Variants in RAB7A observed in about 807,000 individuals in gnomAD.
RAB7A encodes the protein ras-related protein Rab-7a.
RAB7A carries 2 observed loss-of-function variants against 24.5 expected under a neutral mutation model. The ratio of observed to expected loss-of-function variants is 0.08; its 90% CI spans 0.03 to 0.26. RAB7A has a LOEUF of 0.26. Ranked by LOEUF, RAB7A falls within the 10% of genes least tolerant of loss-of-function variation. RAB7A has a pLI of 1.00. For synonymous variants in RAB7A, 100 were observed against 95.9 expected (o/e 1.04, Z -0.25); for missense variants, 118 against 255.7 (o/e 0.46, Z 3.67).
intron 3 of RAB7A, among the ~76,000 whole-genome samples, chr3:128,805,661 CT>C (rs1174803160): frequency 1.3e-5 from 2 of 151,776 alleles, no homozygotes; most frequent in African/African-American, 2.4e-5. Flanking sequence ...AAACTTTTCT[CT>C]TTTTTTTGAG....
chr3:128,811,899 T>C (rs1933935674), intron 5 of RAB7A, among the ~76,000 whole-genome samples: 1 of 150,040 alleles, frequency 6.7e-6, no homozygotes, highest in African/African-American at 2.5e-5. Context: ...ATGGGGAAAA[T>C]TAAAATAAAT....
intron 1 of RAB7A, among the ~76,000 whole-genome samples, chr3:128,763,671 C>T (rs1357938545): frequency 6.6e-6 from 1 of 152,148 alleles, no homozygotes; most frequent in Non-Finnish European, 1.5e-5. Context: ...ACCCCCATTC[C>T]TGTGTGATTA....
intron 1 of RAB7A, among the ~76,000 whole-genome samples, chr3:128,746,224 A>C (rs2070613245): frequency 6.6e-6 from 1 of 152,132 alleles, no homozygotes; most frequent in Non-Finnish European, 1.5e-5. Context: ...GTTCACCATC[A>C]GTCTACTCTC....
At chr3:128,750,866 A>C (rs1264028737) in intron 1 of RAB7A, among the ~76,000 whole-genome samples, 1 of 152,188 alleles carries the variant, frequency 6.6e-6, no homozygotes, top group Non-Finnish European at 1.5e-5. Flanking sequence ...GGCCGGGCCT[A>C]GGGTCCCCGT....
At chr3:128,786,410 C>T (rs1395919932) in intron 1 of RAB7A, among the ~76,000 whole-genome samples, 1 of 139,694 alleles carries the variant, frequency 7.2e-6, no homozygotes, top group African/African-American at 2.5e-5. Flanking sequence ...TCCTCATGAC[C>T]TTCTCCAAAA....
chr3:128,732,309 A>G (rs1430404622), intron 1 of RAB7A, among the ~76,000 whole-genome samples: 1 of 151,738 alleles, frequency 6.6e-6, no homozygotes, highest in Non-Finnish European at 1.5e-5. Flanking sequence ...AGGTGCTGGG[A>G]TTACAGGCGT....
intron 1 of RAB7A, among the ~76,000 whole-genome samples, chr3:128,783,026 G>A (rs939300565): frequency 4.6e-5 from 7 of 152,134 alleles, no homozygotes; most frequent in Non-Finnish European, 1.0e-4. Context: ...CAGAGGCAGT[G>A]ACCCAAAAAT....
chr3:128,779,074 C>T (rs1559790693), intron 1 of RAB7A, among the ~76,000 whole-genome samples: 2 of 152,084 alleles, frequency 1.3e-5, no homozygotes, highest in African/African-American at 4.8e-5. Context: ...GTATTGTGGA[C>T]CAAGTATATC....
intron 1 of RAB7A, chr3:128,748,936 G>GC (rs1166380535): frequency 6.6e-6 from 1 of 152,194 alleles, no homozygotes; most frequent in East Asian, 1.9e-4. Flanking sequence ...ATCCACTGGG[G>GC]CAGGGAGAAG....
chr3:128,749,609 G>A (rs1307582966), intron 1 of RAB7A: 1 of 152,222 alleles, frequency 6.6e-6, no homozygotes, highest in Non-Finnish European at 1.5e-5. Context: ...GGGACCCGGT[G>A]GGAGGTAATT....
chr3:128,813,469 C>T lies in RAB7A; in HGVS notation c.*47C>T. On this transcript the variant is annotated 3_prime_UTR_variant, in exon 6 of 6. Transcript: ENST00000265062. ...CAGAGTCCTTCACAAACCAAGAACA[C>T]ACGTAGGCCTTCAACACAATTCCCC... The T allele has an allele frequency of 6.6e-7, 1 of 1,523,028 alleles. No individual in the cohort carries two copies. The highest frequency in any genetic ancestry group is 9.1e-7 in the Non-Finnish European group (1 of 1,098,100). 94.3% of individuals were successfully genotyped at this position (1,523,028 alleles called of 1,614,324 possible).
chr3:128,793,093 G>A (rs1382278462), intron 1 of RAB7A, among the ~76,000 whole-genome samples: 1 of 151,594 alleles, frequency 6.6e-6, no homozygotes, highest in African/African-American at 2.4e-5. Flanking sequence ...GCGCAATCTC[G>A]GCTCACTGCA....
At chr3:128,804,391 G>A (rs946694150) in intron 3 of RAB7A, among the ~76,000 whole-genome samples, 8 of 152,190 alleles carry the variant, frequency 5.3e-5, no homozygotes, top group African/African-American at 1.9e-4. Context: ...TGCAGTGCTA[G>A]CTCACTATGC....
chr3:128,736,537 A>G (rs1377233650), intron 1 of RAB7A, among the ~76,000 whole-genome samples: 4 of 152,168 alleles, frequency 2.6e-5, no homozygotes, highest in African/African-American at 4.8e-5. Context: ...CAACCAAAGG[A>G]GCAGCCGTGA....
At chr3:128,745,906 G>A (rs1469443646) in intron 1 of RAB7A, among the ~76,000 whole-genome samples, 2 of 152,224 alleles carry the variant, frequency 1.3e-5, no homozygotes, top group Non-Finnish European at 2.9e-5. Flanking sequence ...TCTGAGCTGA[G>A]TGTGCTGGTC....
chr3:128,735,492 TG>T (rs2070482597), intron 1 of RAB7A, among the ~76,000 whole-genome samples: 1 of 152,200 alleles, frequency 6.6e-6, no homozygotes, highest in Non-Finnish European at 1.5e-5. Flanking sequence ...ACCCCAGTTA[TG>T]GGTGAGGAAT....
intron 2 of RAB7A, among the ~76,000 whole-genome samples, chr3:128,796,465 A>G (rs889210361): frequency 2.0e-5 from 3 of 152,144 alleles, no homozygotes; most frequent in Non-Finnish European, 2.9e-5. Context: ...AAATAAAAAG[A>G]TTCTGTGGTA....
chr3:128,773,061 A>T (rs1245641533), intron 1 of RAB7A, among the ~76,000 whole-genome samples: 3 of 151,652 alleles, frequency 2.0e-5, no homozygotes, highest in Non-Finnish European at 4.4e-5. Context: ...ATCGTCTGGG[A>T]TGCGAGGAGC....
intron 4 of RAB7A, among the ~76,000 whole-genome samples, chr3:128,807,246 G>A (rs764595963): frequency 1.3e-5 from 2 of 152,082 alleles, no homozygotes; most frequent in African/African-American, 2.4e-5. Context: ...ATTTCTTCCC[G>A]GACTGGCTTC....
Sources: gnomAD v4.1 joint callset for allele counts (sites outside exome capture counted in the v4.1 genomes callset) on GRCh38, gnomAD v4.1.1 for gene constraint, MANE v1.5 for transcripts, NCBI Gene and HGNC (gene_info 2026-07-23, HGNC 2026-07-21) for gene names.